The following SVIL variants were observed in gnomAD, a reference collection of about 807,000 sequenced individuals.
The protein encoded by SVIL is archvillin.
In SVIL, 101 loss-of-function variants were observed where a neutral mutation model predicts 240.4. That is an observed-to-expected ratio of 0.42 (90% CI 0.36 to 0.50). SVIL has a LOEUF of 0.50. Among genes scored for constraint, SVIL ranks in the 20% least tolerant of loss-of-function variants. The probability of loss-of-function intolerance (pLI) is 0.01; values close to 1 mark genes in which losing one functional copy is unlikely to be tolerated. For missense variants in SVIL, 2,512 were observed against 2,818.7 expected (o/e 0.89, Z 2.46); for synonymous variants, 999 against 1,100.0 (o/e 0.91, Z 1.82).
chr10:29,571,672 C>T (rs952016959), intron 1 of SVIL, among the ~76,000 whole-genome samples: 2 of 152,102 alleles, frequency 1.3e-5, no homozygotes, highest in Admixed American at 1.3e-4. Context: ...ATTAGATTGC[C>T]CCCGCTTAAT....
chr10:29,542,787 C>T (rs765798694), intron 6 of SVIL, among the ~76,000 whole-genome samples: 3 of 152,164 alleles, frequency 2.0e-5, no homozygotes, highest in African/African-American at 4.8e-5. Flanking sequence ...TTTTTGTACC[C>T]GTTAGGTGCT....
At chr10:29,612,823 C>A (rs1326565482) in intron 1 of SVIL, among the ~76,000 whole-genome samples, 2 of 152,164 alleles carry the variant, frequency 1.3e-5, no homozygotes, top group Non-Finnish European at 2.9e-5. Context: ...GTTCACAAAG[C>A]CCCATGCTGG....
intron 17 of SVIL, among the ~76,000 whole-genome samples, chr10:29,502,612 G>C (rs1274771505): frequency 6.6e-6 from 1 of 152,122 alleles, no homozygotes; most frequent in Non-Finnish European, 1.5e-5. Flanking sequence ...CGAATGTGGT[G>C]GGGAAAGGCA....
intron 1 of SVIL, among the ~76,000 whole-genome samples, chr10:29,714,747 C>G (rs1231918759): frequency 1.3e-5 from 2 of 151,788 alleles, no homozygotes; most frequent in Non-Finnish European, 2.9e-5. Flanking sequence ...ATCGCTTGAG[C>G]TCAGGAGTTC....
chr10:29,554,307 T>C (rs952357863), intron 5 of SVIL, among the ~76,000 whole-genome samples: 5 of 151,382 alleles, frequency 3.3e-5, no homozygotes, highest in African/African-American at 9.7e-5. Flanking sequence ...AGACTCTGTC[T>C]CTAAAAAAAA....
At chr10:29,602,456 T>C in intron 1 of SVIL, 1 of 284,792 alleles carries the variant, frequency 3.5e-6, no homozygotes, top group South Asian at 3.1e-5. Flanking sequence ...CACTCTTCCA[T>C]AAAAGGCCTG....
At chr10:29,490,100 C>T (rs1947803873) in intron 22 of SVIL, among the ~76,000 whole-genome samples, 1 of 152,108 alleles carries the variant, frequency 6.6e-6, no homozygotes, top group South Asian at 2.1e-4. Flanking sequence ...TACAGTGAGA[C>T]TGAGAGTCTG....
chr10:29,606,035 C>T (rs958945035), intron 1 of SVIL, among the ~76,000 whole-genome samples: 64 of 152,174 alleles, frequency 4.2e-4, no homozygotes, highest in African/African-American at 1.3e-3. Context: ...CTCAGCCTCC[C>T]GAGTAGCTGG....
chr10:29,601,714 C>T (rs1244306020), intron 1 of SVIL, among the ~76,000 whole-genome samples: 2 of 152,176 alleles, frequency 1.3e-5, no homozygotes, highest in Admixed American at 6.5e-5. Context: ...GTGACTCAGG[C>T]TAATTATCTC....
upstream of SVIL, among the ~76,000 whole-genome samples, chr10:29,637,627 C>A (rs1958355260): frequency 6.6e-6 from 1 of 152,198 alleles, no homozygotes; most frequent in Non-Finnish European, 1.5e-5. Flanking sequence ...CTGGAGAACC[C>A]AGAGACAGGC....
At chr10:29,492,314 C>T (rs1278722249) in intron 21 of SVIL, among the ~76,000 whole-genome samples, 4 of 151,998 alleles carry the variant, frequency 2.6e-5, no homozygotes, top group Admixed American at 2.0e-4. Flanking sequence ...GAAAAGCTAC[C>T]CGTGCTGGGC....
intron 1 of SVIL, among the ~76,000 whole-genome samples, chr10:29,731,729 T>C (rs955023349): frequency 2.0e-5 from 3 of 152,208 alleles, no homozygotes; most frequent in Non-Finnish European, 4.4e-5. Context: ...ATATCTGGAA[T>C]AACATTGACA....
At chr10:29,713,056 A>G (rs7077680) in intron 1 of SVIL, among the ~76,000 whole-genome samples, 29,316 of 151,906 alleles carry the variant, frequency 0.19, 3,499 homozygotes, top group African/African-American at 0.34. Flanking sequence ...GCGGGCACCT[A>G]TAATCCCAGC....
chr10:29,459,237 A>T (rs1461193382), intron 36 of SVIL, among the ~76,000 whole-genome samples: 1 of 152,226 alleles, frequency 6.6e-6, no homozygotes. Flanking sequence ...AAGCCTCCTG[A>T]GTAGCTGGCA....
chr10:29,660,140 G>A (rs573329754), intron 2 of SVIL, among the ~76,000 whole-genome samples: 4 of 152,222 alleles, frequency 2.6e-5, no homozygotes, highest in African/African-American at 9.6e-5. Context: ...GCAATACAGT[G>A]AGACCTTGTC....
At chr10:29,659,283 G>C (rs1049350066) in intron 2 of SVIL, among the ~76,000 whole-genome samples, 3 of 152,176 alleles carry the variant, frequency 2.0e-5, no homozygotes, top group African/African-American at 4.8e-5. Flanking sequence ...TTTATCAGCT[G>C]GTTAGTGGTT....
intron 16 of SVIL, among the ~76,000 whole-genome samples, chr10:29,522,135 T>C (rs1950597254): frequency 6.6e-6 from 1 of 151,888 alleles, no homozygotes; most frequent in South Asian, 2.1e-4. Context: ...TGGAAACAAA[T>C]AAATAAAACA....
chr10:29,554,172 A>AT (rs1953674701), intron 5 of SVIL, among the ~76,000 whole-genome samples: 1 of 152,092 alleles, frequency 6.6e-6, no homozygotes, highest in Non-Finnish European at 1.5e-5. Flanking sequence ...ATAGCCAGGC[A>AT]TGGTGGCACG....
Position 29,512,736 on chromosome 10 carries a change from T to A in SVIL, c.3515A>T (p.Lys1172Met). ...TTTTCCTAACATGGGGAATGTTACCTTCTTGATGAGGGACCGCCCTGCTTC... is the reference window on the plus strand; with the variant it reads ...TTTTCCTAACATGGGGAATGTTACCATCTTGATGAGGGACCGCCCTGCTTC... Reference protein sequence around the residue: ...TQEAGRSLIKKRVTESRESQM... With the variant: ...TQEAGRSLIKMRVTESRESQM... Residue 1172 changes from lysine to methionine, a missense_variant and splice_region_variant, in exon 17 of 38, where the codon AAG becomes ATG. Physicochemically the swap from Lys to Met is moderately conservative, Grantham distance 95 (BLOSUM62 -1). Transcript: ENST00000355867. 7 of 1,614,170 alleles carry A rather than the reference T, an allele frequency of 4.3e-6. No homozygotes were observed. The highest frequency in any genetic ancestry group is 5.9e-6 in the Non-Finnish European group (7 of 1,180,042).
Sources: gnomAD v4.1 joint callset for allele counts (sites outside exome capture counted in the v4.1 genomes callset) on GRCh38, gnomAD v4.1.1 for gene constraint, MANE v1.5 for transcripts, NCBI Gene and HGNC (gene_info 2026-07-23, HGNC 2026-07-21) for gene names.